The following RBFOX1 variants were observed in gnomAD, a reference collection of about 807,000 sequenced individuals.
RBFOX1 encodes RNA binding protein fox-1 homolog 1.
A neutral mutation model predicts 57.7 loss-of-function variants in RBFOX1; 8 were observed. The ratio of observed to expected loss-of-function variants is 0.14; its 90% CI spans 0.08 to 0.25. The LOEUF is 0.25. Among genes scored for constraint, RBFOX1 ranks in the 10% least tolerant of loss-of-function variants. The pLI, the probability that RBFOX1 is intolerant of heterozygous loss-of-function variation, is 1.00. For synonymous variants in RBFOX1, 326 were observed against 222.4 expected, an observed-to-expected ratio of 1.47 and a Z score of -4.15; for missense variants, 611 against 548.5, an observed-to-expected ratio of 1.11 and a Z score of -1.14.
At chr16:7,064,251 T>C (rs1389420603) in intron 4 of RBFOX1, among the ~76,000 whole-genome samples, 3 of 144,526 alleles carry the variant, frequency 2.1e-5, no homozygotes, top group African/African-American at 7.7e-5. Flanking sequence ...TCACTGCAAC[T>C]TCCGCCTCCC....
At chr16:5,593,179 A>C (rs4786728) in intron 2 of RBFOX1, among the ~76,000 whole-genome samples, 54,054 of 152,102 alleles carry the variant, frequency 0.36, 10,685 homozygotes, top group East Asian at 0.8. Flanking sequence ...GGATGAGTTC[A>C]TGTCCTTTGC....
chr16:7,261,565 A>G (rs2153069653), intron 4 of RBFOX1, among the ~76,000 whole-genome samples: 1 of 152,300 alleles, frequency 6.6e-6, no homozygotes, highest in African/African-American at 2.4e-5. Flanking sequence ...TTGCTTCTTC[A>G]TCAAACCGTG....
At chr16:6,963,240 T>C (rs1344550219) in intron 3 of RBFOX1, among the ~76,000 whole-genome samples, 1 of 152,114 alleles carries the variant, frequency 6.6e-6, no homozygotes, top group Non-Finnish European at 1.5e-5. Flanking sequence ...AAAAGCAGCA[T>C]TTGTGTTGGC....
chr16:6,689,805 A>G (rs80210991), intron 3 of RBFOX1, among the ~76,000 whole-genome samples: 71 of 152,314 alleles, frequency 4.7e-4, no homozygotes, highest in East Asian at 3.1e-3. Context: ...GAGAGACTCA[A>G]TGCACAGACT....
chr16:6,624,968 C>G (rs2098282488), intron 2 of RBFOX1, among the ~76,000 whole-genome samples: 1 of 151,794 alleles, frequency 6.6e-6, no homozygotes. Flanking sequence ...AGTTTGAGAC[C>G]AGCCTGGCCA....
At chr16:6,118,002 T>C (rs555435321) in intron 1 of RBFOX1, among the ~76,000 whole-genome samples, 33 of 152,326 alleles carry the variant, frequency 2.2e-4, no homozygotes, top group African/African-American at 7.7e-4. Context: ...GTAGCAGCTG[T>C]AAATAATTTA....
chr16:6,994,972 T>G (rs966973161), intron 3 of RBFOX1, among the ~76,000 whole-genome samples: 1 of 149,860 alleles, frequency 6.7e-6, no homozygotes, highest in Non-Finnish European at 1.5e-5. Context: ...TGTGTGTGTG[T>G]GTTGGTCATT....
intron 10 of RBFOX1, among the ~76,000 whole-genome samples, chr16:7,607,807 G>C (rs181380211): frequency 3.0e-4 from 45 of 152,198 alleles, no homozygotes; most frequent in Admixed American, 6.5e-4. Context: ...GGCCTTTTTC[G>C]ATAACTAAAA....
intron 1 of RBFOX1, among the ~76,000 whole-genome samples, chr16:5,398,494 G>A (rs1366438027): frequency 2.6e-5 from 4 of 151,982 alleles, no homozygotes; most frequent in African/African-American, 9.7e-5. Flanking sequence ...TTGTGCTTGT[G>A]GGTGTGCATG....
chr16:6,436,112 A>T (rs1385796818), intron 2 of RBFOX1, among the ~76,000 whole-genome samples: 2 of 152,190 alleles, frequency 1.3e-5, no homozygotes, highest in African/African-American at 4.8e-5. Context: ...AAATGTGGTG[A>T]ATACTTTAAA....
rs186176768 is a variant in RBFOX1 at position 6,653,484 on chromosome 16, T to C, written c.-63-1119T>C. The stretch of plus-strand genomic sequence containing the variant: ...ATTGCTTGTGGGACTGTGTCTGTCA[T>C]TTTGTCTAATTAATGAGTTCCCTGA... On this transcript the variant is annotated intron_variant, in intron 2 of 15. Transcript: ENST00000550418. Among the ~76,000 whole-genome samples, 4 of 152,304 alleles carry C rather than the reference T, an allele frequency of 2.6e-5. No individual in the cohort carries two copies. The East Asian group carries it at 7.7e-4, about 29-fold the overall frequency.
chr16:6,912,480 A>G (rs1427268928), intron 3 of RBFOX1, among the ~76,000 whole-genome samples: 5 of 152,158 alleles, frequency 3.3e-5, no homozygotes, highest in Non-Finnish European at 7.3e-5. Flanking sequence ...GCTCAGATAG[A>G]TCAGATTGAA....
intron 4 of RBFOX1, among the ~76,000 whole-genome samples, chr16:5,878,405 C>G (rs4081967): frequency 0.015 from 2,303 of 152,118 alleles, 58 homozygotes; most frequent in African/African-American, 0.052. Flanking sequence ...ATGAGAAAAC[C>G]AAGGCTCAGA....
At chr16:6,378,323 C>T (rs2091432322) in intron 2 of RBFOX1, among the ~76,000 whole-genome samples, 1 of 152,202 alleles carries the variant, frequency 6.6e-6, no homozygotes, top group Admixed American at 6.5e-5. Flanking sequence ...CTGGGCCCAA[C>T]AGAGAGATGG....
At chr16:6,368,238 G>C (rs2089949159) in intron 2 of RBFOX1, among the ~76,000 whole-genome samples, 1 of 152,102 alleles carries the variant, frequency 6.6e-6, no homozygotes, top group South Asian at 2.1e-4. Context: ...CTCACAGCTA[G>C]CTGGATCTCT....
intron 1 of RBFOX1, among the ~76,000 whole-genome samples, chr16:5,281,143 GT>G (rs2063262436): frequency 6.6e-6 from 1 of 151,900 alleles, no homozygotes. Context: ...TCCATTTTCT[GT>G]TTAAAAAATT....
chr16:7,144,377 C>T (rs953177987), intron 4 of RBFOX1, among the ~76,000 whole-genome samples: 9 of 150,236 alleles, frequency 6.0e-5, no homozygotes, highest in Non-Finnish European at 1.3e-4. Context: ...CATGGCCACC[C>T]AGGTTAAAAC....
At chr16:7,697,603 T>A (rs1264260634) in intron 14 of RBFOX1, among the ~76,000 whole-genome samples, 1 of 152,144 alleles carries the variant, frequency 6.6e-6, no homozygotes, top group Non-Finnish European at 1.5e-5. Context: ...CGAGGTGTTA[T>A]CCCCATTTTG....
At chr16:7,027,488 G>T (rs1203869478) in intron 3 of RBFOX1, among the ~76,000 whole-genome samples, 1 of 150,808 alleles carries the variant, frequency 6.6e-6, no homozygotes, top group Non-Finnish European at 1.5e-5. Flanking sequence ...AGGTCAGGCA[G>T]AGCCAGGATT....
Sources: gnomAD v4.1 joint callset for allele counts (sites outside exome capture counted in the v4.1 genomes callset) on GRCh38, gnomAD v4.1.1 for gene constraint, MANE v1.5 for transcripts, NCBI Gene and HGNC (gene_info 2026-07-23, HGNC 2026-07-21) for gene names.